The following NIBAN1 variants were observed in gnomAD, a reference collection of about 807,000 sequenced individuals.
NIBAN1 encodes the protein niban apoptosis regulator 1, also known as protein Niban 1.
In NIBAN1, 81 loss-of-function variants were observed where a neutral mutation model predicts 75.1. The ratio of observed to expected loss-of-function variants is 1.08; its 90% CI spans 0.90 to 1.30. The LOEUF (loss-of-function observed/expected upper bound fraction) is 1.30. Among genes scored for constraint, NIBAN1 ranks in the 50% most tolerant of loss-of-function variants. The pLI, the probability that NIBAN1 is intolerant of heterozygous loss-of-function variation, is 0.00. For missense variants in NIBAN1, 1,133 were observed against 1,128.1 expected, an observed-to-expected ratio of 1.00 and a Z score of -0.06; for synonymous variants, 436 against 424.8, an observed-to-expected ratio of 1.03 and a Z score of -0.32.
chr1:184,942,293 A>G (rs1270618272), intron 1 of NIBAN1, among the ~76,000 whole-genome samples: 1 of 152,248 alleles, frequency 6.6e-6, no homozygotes, highest in Admixed American at 6.5e-5. Flanking sequence ...ATACTTTTTT[A>G]GTCCATTTAG....
In NIBAN1 at chr1:184,801,592, C is replaced by A. The variant is rs114234292; in HGVS notation, c.1554+1993G>T. ...GGGTGAAAGCATGACTCTGGAAGTC[C>A]TTCCTGGCTGTATAAGCAGAGTTTG... On this transcript the variant is annotated intron_variant, in intron 12 of 13. Transcript: ENST00000367511. 3.0e-3 allele frequency among the ~76,000 whole-genome samples: 455 copies of A among 152,278 alleles called. 1 individual carries two copies. The highest frequency in any genetic ancestry group is 0.01 in the African/African-American group (427 of 41,544).
chr1:184,877,388 A>C (rs234650), intron 5 of NIBAN1, among the ~76,000 whole-genome samples: 75,285 of 151,786 alleles, frequency 0.5, 18,758 homozygotes, highest in South Asian at 0.58. Context: ...GATCAGGGAA[A>C]GACACATAAG....
intron 1 of NIBAN1, among the ~76,000 whole-genome samples, chr1:184,963,652 A>G (rs1191391165): frequency 6.6e-6 from 1 of 152,206 alleles, no homozygotes; most frequent in Non-Finnish European, 1.5e-5. Context: ...AAAGAAGAAC[A>G]CAATCCCAAT....
chr1:184,836,667 G>T (rs181104445), intron 5 of NIBAN1, among the ~76,000 whole-genome samples: 14 of 152,246 alleles, frequency 9.2e-5, no homozygotes, highest in African/African-American at 3.4e-4. Context: ...CAGAAGAGAA[G>T]AAAAGTATTA....
At chr1:184,832,130 G>A (rs575615546) in intron 5 of NIBAN1, among the ~76,000 whole-genome samples, 168 bp from the exon 6 acceptor site, 7 of 152,300 alleles carry the variant, frequency 4.6e-5, no homozygotes, top group Admixed American at 3.9e-4. Context: ...TTAATTTGCA[G>A]GTGTACATCA....
intron 1 of NIBAN1, among the ~76,000 whole-genome samples, chr1:184,913,154 T>TATTATATA (rs1553227228): frequency 6.8e-6 from 1 of 146,648 alleles, no homozygotes; most frequent in Admixed American, 6.8e-5. Context: ...TATATATATA[T>TATTATATA]TATATATATA....
chr1:184,914,805 C>T (rs1383550037), intron 1 of NIBAN1, among the ~76,000 whole-genome samples: 1 of 151,532 alleles, frequency 6.6e-6, no homozygotes, highest in Non-Finnish European at 1.5e-5. Flanking sequence ...TCACTGCAAC[C>T]TCTGCCTCCT....
In NIBAN1 at chr1:184,845,041, G is replaced by T. The variant is rs575177553; in HGVS notation, c.602-13079C>A. On this transcript the variant is annotated intron_variant, in intron 5 of 13. Transcript: ENST00000367511. ...ACCTATTACAAGAAGAACCAGTACC[G>T]CCAACAGAGTTCTCTTTAATTTCTG... 4.6e-5 allele frequency among the ~76,000 whole-genome samples: 7 copies of T among 152,264 alleles called. No homozygotes were observed. In the South Asian group the frequency reaches 1.4e-3, roughly 32 times the overall value.
chr1:184,838,744 G>A (rs1655203368), intron 5 of NIBAN1, among the ~76,000 whole-genome samples: 1 of 152,162 alleles, frequency 6.6e-6, no homozygotes. Context: ...TCCAAGGCCT[G>A]TGGAGTCATT....
rs1658107771 is a variant in NIBAN1 at position 184,942,242 on chromosome 1, G to C, written c.55+32060C>G. Reference sequence around the variant, plus strand: ...AATAAACTATCAGAAAAAGAACTTGGTAAGTACCGTATCTTTCCACTTGCT... The same window carrying C: ...AATAAACTATCAGAAAAAGAACTTGCTAAGTACCGTATCTTTCCACTTGCT... On this transcript the variant is annotated intron_variant, in intron 1 of 13. Coordinates refer to ENST00000367511, the MANE Select transcript of NIBAN1 (RefSeq NM_052966.4). Among the ~76,000 whole-genome samples, 4 of 152,182 alleles carry C rather than the reference G, an allele frequency of 2.6e-5. No homozygotes were observed. In the South Asian group the frequency reaches 8.3e-4, roughly 31 times the overall value.
intron 4 of NIBAN1, among the ~76,000 whole-genome samples, chr1:184,886,003 A>T (rs1394689002): frequency 6.7e-6 from 1 of 150,194 alleles, no homozygotes; most frequent in East Asian, 2.0e-4. Flanking sequence ...CTTCCCCTCC[A>T]CTCTCAGTCT....
chr1:184,848,547 TA>T, intron 5 of NIBAN1, among the ~76,000 whole-genome samples: 1 of 19,444 alleles, frequency 5.1e-5, no homozygotes, highest in East Asian at 9.7e-4. Flanking sequence ...ATTGACACCC[TA>T]ACATCACAAT....
intron 1 of NIBAN1, among the ~76,000 whole-genome samples, chr1:184,942,782 G>A (rs1270149740): frequency 6.6e-6 from 1 of 151,792 alleles, no homozygotes; most frequent in Non-Finnish European, 1.5e-5. Flanking sequence ...CAGCTCTGAG[G>A]CAATGGCTGG....
intron 1 of NIBAN1, among the ~76,000 whole-genome samples, chr1:184,970,107 C>T (rs1658898497): frequency 6.7e-6 from 1 of 149,004 alleles, no homozygotes; most frequent in Non-Finnish European, 1.5e-5. Flanking sequence ...GAGGTCGAGG[C>T]TGCAGTGAGC....
intron 5 of NIBAN1, among the ~76,000 whole-genome samples, chr1:184,842,475 C>T (rs546606777): frequency 5.9e-5 from 9 of 152,264 alleles, no homozygotes; most frequent in Admixed American, 2.0e-4. Context: ...GTGGTAAGGC[C>T]GGGCATGGTG....
intron 1 of NIBAN1, among the ~76,000 whole-genome samples, chr1:184,932,892 G>A (rs1245327745): frequency 6.6e-6 from 1 of 152,084 alleles, no homozygotes; most frequent in African/African-American, 2.4e-5. Flanking sequence ...GTTTATCCCA[G>A]CCAAAGATTG....
intron 1 of NIBAN1, among the ~76,000 whole-genome samples, chr1:184,973,859 C>G (rs1659000064): frequency 6.6e-6 from 1 of 152,264 alleles, no homozygotes; most frequent in Non-Finnish European, 1.5e-5. Context: ...CAAAGCCAGG[C>G]CAACATTACT....
intron 1 of NIBAN1, among the ~76,000 whole-genome samples, chr1:184,969,026 T>G (rs1173692363): frequency 6.6e-6 from 1 of 152,224 alleles, no homozygotes; most frequent in African/African-American, 2.4e-5. Flanking sequence ...ACCCTTCCCC[T>G]TTAATGTCAC....
intron 5 of NIBAN1, among the ~76,000 whole-genome samples, chr1:184,841,544 T>C (rs531125900): frequency 6.6e-6 from 1 of 152,328 alleles, no homozygotes; most frequent in East Asian, 1.9e-4. Flanking sequence ...ATGAGGAATC[T>C]CACAGCCTTG....
Sources: allele counts gnomAD v4.1 joint callset (sites outside exome capture counted in the v4.1 genomes callset), GRCh38; gene constraint gnomAD v4.1.1; transcripts MANE v1.5; gene names NCBI Gene and HGNC (gene_info 2026-07-23, HGNC 2026-07-21).